The following REPS2 variants were observed in gnomAD, a reference collection of about 807,000 sequenced individuals.
The protein encoded by REPS2 is RALBP1 associated Eps domain containing 2, also known as ralBP1-associated Eps domain-containing protein 2.
A neutral mutation model predicts 53.6 loss-of-function variants in REPS2; 23 were observed. That is an observed-to-expected ratio of 0.43 (90% CI 0.31 to 0.61). REPS2 has a LOEUF of 0.61. Ranked by LOEUF, REPS2 falls within the 20% of genes least tolerant of loss-of-function variation. The pLI is 0.11. For missense variants in REPS2, 446 were observed against 534.9 expected, an observed-to-expected ratio of 0.83 and a Z score of 1.64; for synonymous variants, 238 against 218.6, an observed-to-expected ratio of 1.09 and a Z score of -0.78.
At chrX:17,068,599 A>G (rs2062258211) in intron 10 of REPS2, 128 bp downstream of exon 10, 2 of 447,519 alleles carry the variant, frequency 4.5e-6, no homozygotes, top group Non-Finnish European at 7.7e-6. Context: ...TGGATAGACT[A>G]AGTAGTTCAA....
intron 1 of REPS2, among the ~76,000 whole-genome samples, chrX:16,975,893 G>A (rs767560618): frequency 8.9e-6 from 1 of 111,971 alleles, no homozygotes; most frequent in East Asian, 2.8e-4. Context: ...ATTTCCTCAC[G>A]CAGGCATTTA....
chrX:17,131,288 G>A (rs1004976069), intron 14 of REPS2, among the ~76,000 whole-genome samples: 5 of 111,480 alleles, frequency 4.5e-5, no homozygotes, highest in East Asian at 2.8e-4. Flanking sequence ...CCAGGGGCAG[G>A]AGTTTAAAAA....
chrX:17,122,110 C>A (rs1409372444), intron 14 of REPS2, among the ~76,000 whole-genome samples: 1 of 110,827 alleles, frequency 9.0e-6, no homozygotes, highest in East Asian at 2.8e-4. Context: ...ATTTAATGTG[C>A]AACTCAATTT....
chrX:17,087,431 A>G (rs1057444411), intron 13 of REPS2, among the ~76,000 whole-genome samples: 3 of 111,983 alleles, frequency 2.7e-5, no homozygotes, highest in Non-Finnish European at 3.8e-5. Flanking sequence ...TGGCTGGCCA[A>G]GAAAAATGGA....
At chrX:17,129,308 A>C (rs1445633361) in intron 14 of REPS2, among the ~76,000 whole-genome samples, 1 of 112,462 alleles carries the variant, frequency 8.9e-6, no homozygotes, top group Non-Finnish European at 1.9e-5. Context: ...TATGAAGGAA[A>C]GCTTATTGTG....
the REPS2 span, among the ~76,000 whole-genome samples, chrX:17,164,411 A>T: frequency 4.4e-5 from 5 of 112,430 alleles, no homozygotes; most frequent in Non-Finnish European, 9.4e-5. Flanking sequence ...ATATATCATG[A>T]AACAGTAATC....
intron 8 of REPS2, among the ~76,000 whole-genome samples, chrX:17,058,223 G>A (rs1035102941): frequency 1.2e-4 from 13 of 111,236 alleles, no homozygotes; most frequent in Admixed American, 9.6e-4. Context: ...GGGAGTCCAA[G>A]GCAGGTGGAT....
At chrX:17,187,024 A>T in the REPS2 span, among the ~76,000 whole-genome samples, 1 of 111,868 alleles carries the variant, frequency 8.9e-6, no homozygotes, top group East Asian at 2.8e-4. Context: ...CTCAGACTTT[A>T]CCACTATACA....
chrX:17,047,775 C>T (rs2061928172), intron 6 of REPS2, among the ~76,000 whole-genome samples: 1 of 112,777 alleles, frequency 8.9e-6, no homozygotes, highest in African/African-American at 3.2e-5. Flanking sequence ...CCCCAAGGGG[C>T]CACCTCTCAT....
At chrX:17,132,112 G>T (rs2063300506) in intron 14 of REPS2, among the ~76,000 whole-genome samples, 1 of 111,986 alleles carries the variant, frequency 8.9e-6, no homozygotes, top group African/African-American at 3.2e-5. Flanking sequence ...AAAGTTCAGA[G>T]TGAGGGTTGA....
intron 6 of REPS2, among the ~76,000 whole-genome samples, chrX:17,051,271 A>G (rs1406193635): frequency 2.7e-5 from 3 of 111,913 alleles, no homozygotes; most frequent in Admixed American, 1.9e-4. Flanking sequence ...CAATGGACAC[A>G]TAGGTTGCCT....
chrX:17,001,664 A>G (rs778989102), intron 1 of REPS2, among the ~76,000 whole-genome samples: 4 of 112,243 alleles, frequency 3.6e-5, no homozygotes, highest in Non-Finnish European at 5.6e-5. Context: ...GTGAATGTGG[A>G]CCATATGTTG....
chrX:16,951,460 G>GAGTTCT (rs2060504291), intron 1 of REPS2, among the ~76,000 whole-genome samples: 1 of 106,261 alleles, frequency 9.4e-6, no homozygotes, highest in African/African-American at 3.5e-5. Context: ...TTGAGCCCAG[G>GAGTTCT]AGTTCTAGAC....
chrX:17,089,925 A>G (rs941606858), intron 13 of REPS2, among the ~76,000 whole-genome samples: 2 of 112,156 alleles, frequency 1.8e-5, no homozygotes, highest in Non-Finnish European at 3.8e-5. Context: ...TATGTGGTAA[A>G]TTTATGTTTA....
At chrX:17,069,340 AC>A (rs1451533466) in intron 10 of REPS2, among the ~76,000 whole-genome samples, 1 of 112,481 alleles carries the variant, frequency 8.9e-6, no homozygotes, top group Non-Finnish European at 1.9e-5. Flanking sequence ...ATTTGAAGGG[AC>A]TAAAAATCAG....
At chrX:16,995,844 G>A (rs903739872) in intron 1 of REPS2, among the ~76,000 whole-genome samples, 1 of 111,838 alleles carries the variant, frequency 8.9e-6, no homozygotes, top group African/African-American at 3.3e-5. Context: ...ACAGTAAACT[G>A]TATTTGGGAT....
At chrX:16,968,904 G>C (rs2060830776) in intron 1 of REPS2, among the ~76,000 whole-genome samples, 1 of 109,769 alleles carries the variant, frequency 9.1e-6, no homozygotes, top group South Asian at 3.9e-4. Context: ...TGGCTGCCGG[G>C]TGGAGGGGCT....
chrX:17,161,212 A>G, the REPS2 span, among the ~76,000 whole-genome samples: 1 of 111,613 alleles, frequency 9.0e-6, no homozygotes, highest in African/African-American at 3.3e-5. Context: ...TTTGGCTGTC[A>G]TGATCTCCAC....
At chrX:16,974,455 G>T (rs750199585) in intron 1 of REPS2, among the ~76,000 whole-genome samples, 4 of 110,307 alleles carry the variant, frequency 3.6e-5, no homozygotes, top group African/African-American at 9.9e-5. Context: ...AGACCAGCTT[G>T]GCCAACATGG....
Sources: allele counts gnomAD v4.1 joint callset (sites outside exome capture counted in the v4.1 genomes callset), GRCh38; gene constraint gnomAD v4.1.1; transcripts MANE v1.5; gene names NCBI Gene and HGNC (gene_info 2026-07-23, HGNC 2026-07-21).